Variants in SH3BP2 observed in about 807,000 individuals in gnomAD.
SH3BP2 encodes SH3 domain-binding protein 2.
A neutral mutation model predicts 56.2 loss-of-function variants in SH3BP2; 38 were observed. The ratio of observed to expected loss-of-function variants is 0.68; its 90% CI spans 0.52 to 0.89. The LOEUF is 0.89. Ranked by LOEUF, SH3BP2 falls within the 40% of genes least tolerant of loss-of-function variation. The pLI, the probability that SH3BP2 is intolerant of heterozygous loss-of-function variation, is 0.00. For missense variants in SH3BP2, 748 were observed against 762.6 expected, an observed-to-expected ratio of 0.98 and a Z score of 0.23; for synonymous variants, 346 against 316.7, an observed-to-expected ratio of 1.09 and a Z score of -0.98.
chr4:2,796,192 G>C (rs1343976360), intron 1 of SH3BP2, among the ~76,000 whole-genome samples: 1 of 152,188 alleles, frequency 6.6e-6, no homozygotes, highest in Admixed American at 6.5e-5. Context: ...TCTGGACCAC[G>C]CTGCTGGATT....
intron 1 of SH3BP2, among the ~76,000 whole-genome samples, chr4:2,814,498 GCACACACACACA>G (rs34086288): frequency 6.6e-6 from 1 of 151,360 alleles, no homozygotes; most frequent in African/African-American, 2.4e-5. Flanking sequence ...ATGTGCATGT[GCACACACACACA>G]CACACGCACA....
At chr4:2,823,110 G>T in intron 3 of SH3BP2, 73 bp downstream of exon 3, 1 of 1,111,170 alleles carries the variant, frequency 9.0e-7, no homozygotes, top group Non-Finnish European at 1.4e-6. Flanking sequence ...GCCCCAGCTG[G>T]GCCTGCCCCT....
At chr4:2,825,789 G>A (rs1013096446) in intron 5 of SH3BP2, among the ~76,000 whole-genome samples, 1 of 152,214 alleles carries the variant, frequency 6.6e-6, no homozygotes, top group Non-Finnish European at 1.5e-5. Flanking sequence ...AGCCCCCTAC[G>A]CCCACCCTGG....
rs879616524 is a variant in SH3BP2, at chr4:2,801,148, A to AACCTGC, written c.-5+8010_-5+8011insACCTGC. On this transcript the variant is annotated intron_variant, in intron 1 of 12. Coordinates refer to ENST00000503393, the MANE Select transcript of SH3BP2 (RefSeq NM_001122681.2). ...GGGCCCAGACTGCAGGGGTGCAGAGAGGCTGCGGCAGAGGCTGGGGGCTGG... is the reference window on the plus strand; with the variant it reads ...GGGCCCAGACTGCAGGGGTGCAGAGAACCTGCGGCTGCGGCAGAGGCTGGGGGCTGG... 2.3e-3 allele frequency among the ~76,000 whole-genome samples: 347 copies of AACCTGC among 152,274 alleles called. 1 individual carries two copies. Among genetic ancestry groups the AACCTGC allele is most frequent in the Middle Eastern group, 0.01 (3 of 294 alleles).
At position 2,836,146 on chromosome 4, in the gene SH3BP2, C is replaced by G. The variant is rs983882647; in HGVS notation, c.*2312C>G. 9 of 152,326 alleles carry G rather than the reference C, an allele frequency of 5.9e-5. No homozygotes were observed. The highest frequency in any genetic ancestry group is 5.2e-4 in the Admixed American group (8 of 15,284). The allele number at this position is 152,326 out of a possible 1,614,324, so 9.4% of individuals were successfully genotyped here. On this transcript the variant is annotated 3_prime_UTR_variant, in exon 13 of 13. Transcript: ENST00000503393. ...TGGACAGTTGAGGCCTGTGGTTACC[C>G]GAAGCCCAGCTGGGGCCCTGGTCCA...
In SH3BP2 at chr4:2,833,845, T is replaced by C. The variant is rs899390011; in HGVS notation, c.*11T>C. The C allele has an allele frequency of 5.8e-6, 9 of 1,556,764 alleles. No individual in the cohort carries two copies. In the African/African-American group the frequency reaches 8.2e-5, roughly 14 times the overall value. Reference sequence around the variant, plus strand: ...ACTGGGCCTAGGTGATGGCAGTCCATGTGGCTGCCAGGCCAAGGCAGTCAC... The same window carrying C: ...ACTGGGCCTAGGTGATGGCAGTCCACGTGGCTGCCAGGCCAAGGCAGTCAC... On this transcript the variant is annotated 3_prime_UTR_variant, in exon 13 of 13. Transcript: ENST00000503393.
At chr4:2,833,354 G>C (rs1041342452) in intron 12 of SH3BP2, 2 of 572,970 alleles carry the variant, frequency 3.5e-6, no homozygotes, top group East Asian at 3.0e-5. Context: ...TCTCAGGCTG[G>C]TTTCAAATTC....
intron 1 of SH3BP2, chr4:2,812,156 G>A: frequency 7.0e-7 from 1 of 1,422,510 alleles, no homozygotes; most frequent in Non-Finnish European, 9.2e-7. Flanking sequence ...GTGGATGAGG[G>A]GCAGCCCTGG....
At position 2,831,919 on chromosome 4, in the gene SH3BP2, G is replaced by T; in HGVS notation, c.1351-4G>T. ...TTGGCACTGACACCGTCAGCCTCTT[G>T]CAGGTGCCACTGCCCAACTCGGTCT... On this transcript the variant is annotated splice_polypyrimidine_tract_variant and splice_region_variant and intron_variant, in intron 9 of 12. Transcript: ENST00000503393. This position sits in a 1 kb window ranked among gnomAD's most constrained non-coding sequence, Gnocchi z 4.1. 1 of 1,612,696 alleles carries T rather than the reference G, an allele frequency of 6.2e-7. No individual in the cohort carries two copies. The highest frequency in any genetic ancestry group is 8.5e-7 in the Non-Finnish European group (1 of 1,180,002).
At chr4:2,817,930 A>G (rs1724073411) in intron 1 of SH3BP2, 1 of 152,236 alleles carries the variant, frequency 6.6e-6, no homozygotes, top group Admixed American at 6.5e-5. Flanking sequence ...GTGGATTTCC[A>G]ACCAAGCTGT....
rs144577122 is a variant in SH3BP2, at chr4:2,833,015, C to T, written c.1514C>T (p.Ser505Phe). Residue 505 changes from serine to phenylalanine, a missense_variant, in exon 12 of 13, where the codon TCT (serine) becomes TTT (phenylalanine). Coordinates refer to ENST00000503393, the MANE Select transcript of SH3BP2 (RefSeq NM_001122681.2). ...GKVLVVWDET[S>F]NKVRNYRIFE... ...GTCCTGGTTGTGTGGGACGAAACCT[C>T]TAACAAAGTGAGGAACTATCGCATT... The T allele has an allele frequency of 3.1e-6, 5 of 1,614,250 alleles. No individual in the cohort carries two copies. Among genetic ancestry groups the T allele is most frequent in the Admixed American group, 3.3e-5 (2 of 60,034 alleles).
rs774598871 is a variant in SH3BP2 at position 2,826,970 on chromosome 4, T to C, written c.429-260T>C. ...GCTTGTGTGTGCACGTGTGCATTTG[T>C]GTGTTTGTCAGAGTATGTGTGCATG... On this transcript the variant is annotated intron_variant, in intron 5 of 12. Coordinates refer to ENST00000503393, the MANE Select transcript of SH3BP2 (RefSeq NM_001122681.2). 2.8e-5 allele frequency: 18 copies of C among 647,696 alleles called. 1 individual carries two copies. The highest frequency in any genetic ancestry group is 2.7e-4 in the South Asian group (18 of 66,146). 40.1% of individuals were successfully genotyped at this position (647,696 alleles called of 1,614,324 possible). A position where few individuals can be genotyped will look rare whatever the true frequency, so the allele number is the denominator to read the frequency against.
Position 2,829,409 on chromosome 4 carries a change from G to A in SH3BP2, c.587-84G>A. 1 of 1,485,740 alleles carries A rather than the reference G, an allele frequency of 6.7e-7. No homozygotes were observed. The highest frequency in any genetic ancestry group is 1.1e-5 in the South Asian group (1 of 88,530). The allele number at this position is 1,485,740 out of a possible 1,614,324, so 92.0% of individuals were successfully genotyped here. On this transcript the variant is annotated intron_variant, in intron 7 of 12. Transcript: ENST00000503393. The surrounding 1 kb of genome is among the most constrained non-coding windows in gnomAD (Gnocchi z 4.9). Reference sequence around the variant, plus strand: ...GGGCCTACCATGGGTTGCACTCCTGGTTGGCCTGGCTGACCACTGCCAGCA... The same window carrying A: ...GGGCCTACCATGGGTTGCACTCCTGATTGGCCTGGCTGACCACTGCCAGCA...
chr4:2,798,975 GC>G, intron 1 of SH3BP2: 3 of 985,592 alleles, frequency 3.0e-6, no homozygotes, highest in Non-Finnish European at 3.6e-6. Flanking sequence ...TGTGGGAGTG[GC>G]CCCCCAGGAG....
At chr4:2,818,698 C>A in intron 1 of SH3BP2, 1 of 999,424 alleles carries the variant, frequency 1.0e-6, no homozygotes, top group East Asian at 9.7e-5. Context: ...CGGGGTGTGG[C>A]GGCGCCTTTG....
At chr4:2,818,455 C>T in intron 1 of SH3BP2, 4 of 921,108 alleles carry the variant, frequency 4.3e-6, no homozygotes, top group Non-Finnish European at 5.5e-6. Flanking sequence ...CTCTGGACCC[C>T]GCACCCCGAG....
At chr4:2,823,381 T>A in intron 3 of SH3BP2, 1 of 473,492 alleles carries the variant, frequency 2.1e-6, no homozygotes, top group Non-Finnish European at 4.2e-6. Context: ...TCACCCACCA[T>A]GACCTCTTTC....
At position 2,829,380 on chromosome 4, in the gene SH3BP2, G is replaced by T; in HGVS notation, c.587-113G>T. On this transcript the variant is annotated intron_variant, in intron 7 of 12. Coordinates refer to ENST00000503393, the MANE Select transcript of SH3BP2 (RefSeq NM_001122681.2). This position sits in a 1 kb window ranked among gnomAD's most constrained non-coding sequence, Gnocchi z 4.9. ...TGGGCTGCTGGGTGGGCAGGCTGTG[G>T]GGTGGGCCTACCATGGGTTGCACTC... is the stretch of plus-strand genomic sequence containing the variant. The T allele has an allele frequency of 2.7e-6, 3 of 1,104,226 alleles. No homozygotes were observed. Among genetic ancestry groups the T allele is most frequent in the South Asian group, 1.3e-5 (1 of 79,406 alleles). 68.4% of individuals were successfully genotyped at this position (1,104,226 alleles called of 1,614,324 possible).
At position 2,800,555 on chromosome 4, in the gene SH3BP2, C is replaced by CG. The variant is rs199749118; in HGVS notation, c.-5+7417_-5+7418insG. Among the ~76,000 whole-genome samples, 109 of 151,768 alleles carry CG rather than the reference C, an allele frequency of 7.2e-4. No homozygotes were observed. In the South Asian group the frequency reaches 0.013, roughly 18 times the overall value. On this transcript the variant is annotated intron_variant, in intron 1 of 12. Transcript: ENST00000503393. ...AGGTGCTTGTCCTGTGACCGCCCCCCCCCCGGGCTGATGACGGGCCAGGTG... is the reference window on the plus strand; with the variant it reads ...AGGTGCTTGTCCTGTGACCGCCCCCCGCCCCGGGCTGATGACGGGCCAGGTG...
Sources: gnomAD v4.1 joint callset for allele counts (sites outside exome capture counted in the v4.1 genomes callset) on GRCh38, gnomAD v4.1.1 for gene constraint, Gnocchi (gnomAD v3.1) non-coding constraint, MANE v1.5 for transcripts, NCBI Gene and HGNC (gene_info 2026-07-23, HGNC 2026-07-21) for gene names.